NOSIP: variants seen among roughly 807,000 people sequenced by gnomAD.
NOSIP encodes nitric oxide synthase interacting protein, also known as nitric oxide synthase-interacting protein.
In NOSIP, 25 loss-of-function variants were observed where a neutral mutation model predicts 36.4. The observed-to-expected ratio is 0.69, with a 90% CI of 0.50 to 0.96. The LOEUF is 0.96. Ranked by LOEUF, NOSIP falls within the 40% of genes least tolerant of loss-of-function variation. The probability of loss-of-function intolerance (pLI) is 0.00; values close to 1 mark genes in which losing one functional copy is unlikely to be tolerated. For synonymous variants in NOSIP, 187 were observed against 179.2 expected, an observed-to-expected ratio of 1.04 and a Z score of -0.35; for missense variants, 370 against 429.0, an observed-to-expected ratio of 0.86 and a Z score of 1.21.
chr19:49,576,589 G>GA (rs968669779), intron 1 of NOSIP, among the ~76,000 whole-genome samples: 99 of 145,056 alleles, frequency 6.8e-4, no homozygotes, highest in South Asian at 5.8e-3. Flanking sequence ...TGTCTCTGGG[G>GA]AAAAAAAAAA....
chr19:49,572,972 CA>C (rs5828405), intron 1 of NOSIP, among the ~76,000 whole-genome samples: 13,046 of 60,718 alleles, frequency 0.21, 395 homozygotes, highest in Non-Finnish European at 0.28. Flanking sequence ...GACTGTGTCT[CA>C]AAAAAAAAAA....
chr19:49,575,211 C>A (rs1474845123), intron 1 of NOSIP, among the ~76,000 whole-genome samples: 2 of 152,122 alleles, frequency 1.3e-5, no homozygotes, highest in Non-Finnish European at 1.5e-5. Context: ...GTTGGCCAGG[C>A]TGGTCTTGAA....
chr19:49,560,251 C>T lies in NOSIP; in HGVS notation c.71-212G>A. 2 of 585,754 alleles carry T rather than the reference C, an allele frequency of 3.4e-6. No individual in the cohort carries two copies. Among genetic ancestry groups the T allele is most frequent in the Admixed American group, 6.1e-5 (2 of 32,912 alleles). The allele number at this position is 585,754 out of a possible 1,614,324, so 36.3% of individuals were successfully genotyped here. A position where few individuals can be genotyped will look rare whatever the true frequency, so the allele number is the denominator to read the frequency against. ...CCCTGGAGGGTGAGAGGCAGACAGG[C>T]CTGGTCACTGAGTGGCAGCTTGGTG... is the stretch of plus-strand genomic sequence containing the variant. On this transcript the variant is annotated intron_variant, in intron 2 of 8. Coordinates refer to ENST00000596358, the MANE Select transcript of NOSIP (RefSeq NM_001270960.2). This position sits in a 1 kb window ranked among gnomAD's most constrained non-coding sequence, Gnocchi z 4.6.
In NOSIP at chr19:49,556,597, G is replaced by T. The variant is rs764930641; in HGVS notation, c.677C>A (p.Thr226Asn). 8 of 1,606,832 alleles carry T rather than the reference G, an allele frequency of 5.0e-6. No individual in the cohort carries two copies. The South Asian group carries it at 8.8e-5, about 18-fold the overall frequency. ...GGTGGCGTTGCTCAGGCTGTCGCGG[G>T]TCACGGCACACACGTAGCGCTCGCT... ...TRSERYVCAV[T>N]RDSLSNATPC... Residue 226 changes from threonine to asparagine, a missense_variant, in exon 7 of 9, where the codon ACC becomes AAC. By Grantham distance (65) the Thr-to-Asn change is moderately conservative. Coordinates refer to ENST00000596358, the MANE Select transcript of NOSIP (RefSeq NM_001270960.2).
At chr19:49,568,266 G>GT (rs1304068268) in intron 1 of NOSIP, among the ~76,000 whole-genome samples, 4 of 152,178 alleles carry the variant, frequency 2.6e-5, no homozygotes, top group Admixed American at 2.6e-4. Context: ...GTGGCAATGG[G>GT]TGTGGGGTGG....
chr19:49,556,811 AGGAGGACGGT>A (rs1183264126), intron 6 of NOSIP, 54 bp downstream of exon 6: 3 of 1,596,834 alleles, frequency 1.9e-6, no homozygotes, highest in Non-Finnish European at 2.6e-6. Context: ...CCTGTGCGTG[AGGAGGACGGT>A]GGGGAACCCT....
intron 1 of NOSIP, among the ~76,000 whole-genome samples, chr19:49,565,622 G>A (rs2080396150): frequency 6.6e-6 from 1 of 151,896 alleles, no homozygotes; most frequent in African/African-American, 2.4e-5. Context: ...GCTGGGTGTG[G>A]TGGCACACGC....
At position 49,574,963 on chromosome 19, in the gene NOSIP, T is replaced by C. The variant is rs546026022; in HGVS notation, c.-2+5552A>G. On this transcript the variant is annotated intron_variant, in intron 1 of 8. Coordinates refer to ENST00000596358, the MANE Select transcript of NOSIP (RefSeq NM_001270960.2). ...CTGCAAGCTCTGCCTCCAGGGTTCA[T>C]GCCATTCTCCTGCCTCAGCCTCCCG... Among the ~76,000 whole-genome samples the C allele has an allele frequency of 3.6e-3, 539 of 151,012 alleles. 1 individual carries two copies. Among genetic ancestry groups the C allele is most frequent in the Non-Finnish European group, 6.3e-3 (425 of 67,692 alleles).
At chr19:49,579,556 T>G (rs2080598135) in intron 1 of NOSIP, among the ~76,000 whole-genome samples, 1 of 152,230 alleles carries the variant, frequency 6.6e-6, no homozygotes, top group African/African-American at 2.4e-5. Context: ...TTTAATCAAC[T>G]AGCTTTTTGT....
chr19:49,562,175 G>A (rs893959937), intron 1 of NOSIP, among the ~76,000 whole-genome samples: 1 of 152,136 alleles, frequency 6.6e-6, no homozygotes, highest in Non-Finnish European at 1.5e-5. Context: ...AGACTGGAAT[G>A]CAATAGCATG....
At chr19:49,557,794 C>A in intron 4 of NOSIP, 1 of 988,366 alleles carries the variant, frequency 1.0e-6, no homozygotes, top group Non-Finnish European at 1.2e-6. Flanking sequence ...CCCTGCCTGG[C>A]GCACAGCAGT....
rs142865904 is a variant in NOSIP, at chr19:49,573,790, T to TTATG, written c.-2+6721_-2+6724dup. ...CCACGTTCTGCCCATTTATTTTATT[T>TTATG]TATGTATGTATGTATGTATGTATGT... On this transcript the variant is annotated intron_variant, in intron 1 of 8. Transcript: ENST00000596358. Among the ~76,000 whole-genome samples, 1,167 of 151,636 alleles carry TTATG rather than the reference T, an allele frequency of 7.7e-3. 12 individuals carry two copies. Among genetic ancestry groups the TTATG allele is most frequent in the African/African-American group, 0.025 (1,015 of 41,278 alleles).
chr19:49,576,842 C>T (rs1278793695), intron 1 of NOSIP, among the ~76,000 whole-genome samples: 1 of 146,012 alleles, frequency 6.8e-6, no homozygotes, highest in Non-Finnish European at 1.5e-5. Context: ...CAAGATCGCA[C>T]CATTGCACTC....
intron 1 of NOSIP, among the ~76,000 whole-genome samples, chr19:49,567,997 G>A (rs1432145223): frequency 1.3e-5 from 2 of 152,066 alleles, no homozygotes; most frequent in Non-Finnish European, 2.9e-5. Context: ...CTAATATGTA[G>A]AATAGTCAGT....
At chr19:49,565,872 C>T (rs2080400930) in intron 1 of NOSIP, among the ~76,000 whole-genome samples, 1 of 152,204 alleles carries the variant, frequency 6.6e-6, no homozygotes, top group African/African-American at 2.4e-5. Context: ...TATGTGGCTA[C>T]AGATTCATCC....
At chr19:49,569,754 G>A (rs1418449306) in intron 1 of NOSIP, among the ~76,000 whole-genome samples, 1 of 151,912 alleles carries the variant, frequency 6.6e-6, no homozygotes, top group Non-Finnish European at 1.5e-5. Context: ...GTTGCAGTGA[G>A]CCAAGATCGC....
At position 49,577,990 on chromosome 19, in the gene NOSIP, G is replaced by C. The variant is rs539145435; in HGVS notation, c.-2+2525C>G. Among the ~76,000 whole-genome samples, 14 of 152,202 alleles carry C rather than the reference G, an allele frequency of 9.2e-5. No individual in the cohort carries two copies. In the South Asian group the frequency reaches 2.7e-3, roughly 29 times the overall value. The stretch of plus-strand genomic sequence containing the variant: ...AGGGAATGACTGCTAATGAGTACCA[G>C]GGTTTCTTTTTGGGTGATGAAAATA... On this transcript the variant is annotated intron_variant, in intron 1 of 8. Transcript: ENST00000596358.
chr19:49,575,120 C>T (rs1180446060), intron 1 of NOSIP, among the ~76,000 whole-genome samples: 2 of 152,166 alleles, frequency 1.3e-5, no homozygotes, highest in African/African-American at 4.8e-5. Flanking sequence ...ACCTCGGCCT[C>T]CCAAAGTGCT....
Position 49,555,624 on chromosome 19 carries a change from C to A in NOSIP, c.*127G>T. On this transcript the variant is annotated 3_prime_UTR_variant, in exon 9 of 9. Coordinates refer to ENST00000596358, the MANE Select transcript of NOSIP (RefSeq NM_001270960.2). ...GCCCGCTCTTTCAAACTCCAGCGTGCGCTGTAGGAGCACTGTTTGCACGGC... is the reference window on the plus strand; with the variant it reads ...GCCCGCTCTTTCAAACTCCAGCGTGAGCTGTAGGAGCACTGTTTGCACGGC... The A allele has an allele frequency of 1.4e-6, 1 of 715,272 alleles. No homozygotes were observed. Among genetic ancestry groups the A allele is most frequent in the Non-Finnish European group, 2.4e-6 (1 of 412,602 alleles). 44.3% of individuals were successfully genotyped at this position (715,272 alleles called of 1,614,324 possible).
Sources: allele counts gnomAD v4.1 joint callset (sites outside exome capture counted in the v4.1 genomes callset), GRCh38; gene constraint gnomAD v4.1.1; non-coding constraint Gnocchi (gnomAD v3.1); transcripts MANE v1.5; gene names NCBI Gene and HGNC (gene_info 2026-07-23, HGNC 2026-07-21).